The following SCHIP1 variants were observed in gnomAD, a reference collection of about 807,000 sequenced individuals.
SCHIP1 encodes schwannomin interacting protein 1.
A neutral mutation model predicts 29.7 loss-of-function variants in SCHIP1; 8 were observed. The observed-to-expected ratio is 0.27, with a 90% CI of 0.16 to 0.49. The LOEUF (loss-of-function observed/expected upper bound fraction) is 0.49, where lower values mean the gene tolerates loss of function less well. Among genes scored for constraint, SCHIP1 ranks in the 20% least tolerant of loss-of-function variants. SCHIP1 has a pLI of 0.99. For missense variants in SCHIP1, 193 were observed against 294.6 expected, an observed-to-expected ratio of 0.66 and a Z score of 2.52; for synonymous variants, 76 against 94.9, an observed-to-expected ratio of 0.80 and a Z score of 1.16.
chr3:159,836,830 C>A (rs955499281), upstream of SCHIP1, among the ~76,000 whole-genome samples: 1 of 152,170 alleles, frequency 6.6e-6, no homozygotes, highest in East Asian at 1.9e-4. Flanking sequence ...GTAAACTATT[C>A]TAGCTTAAGT....
At chr3:159,765,021 C>T in the SCHIP1 span, 6 of 1,540,404 alleles carry the variant, frequency 3.9e-6, no homozygotes, top group South Asian at 6.0e-5. Flanking sequence ...CGTGCGTCCC[C>T]GAAGAGCCCC....
the SCHIP1 span, among the ~76,000 whole-genome samples, chr3:159,725,683 C>T: frequency 6.6e-6 from 1 of 152,190 alleles, no homozygotes; most frequent in Non-Finnish European, 1.5e-5. Flanking sequence ...GTGTGGTGAG[C>T]ACAGTACTGT....
the SCHIP1 span, among the ~76,000 whole-genome samples, chr3:159,399,671 G>A: frequency 6.6e-6 from 1 of 152,086 alleles, no homozygotes; most frequent in Non-Finnish European, 1.5e-5. Context: ...TGAATCACCT[G>A]AGAATGAATA....
chr3:159,766,868 C>A, the SCHIP1 span, among the ~76,000 whole-genome samples: 1 of 152,192 alleles, frequency 6.6e-6, no homozygotes, highest in Non-Finnish European at 1.5e-5. Context: ...CTCATACCCC[C>A]ACCCCCAACG....
chr3:159,888,171 A>G, intron 4 of SCHIP1: 1 of 493,152 alleles, frequency 2.0e-6, no homozygotes, highest in Non-Finnish European at 3.6e-6. Context: ...TGCCACGGGA[A>G]TATTTAAATT....
the SCHIP1 span, among the ~76,000 whole-genome samples, chr3:159,748,018 G>A: frequency 1.3e-5 from 2 of 152,008 alleles, no homozygotes; most frequent in Non-Finnish European, 2.9e-5. Flanking sequence ...AACATCTTCA[G>A]CCATACATTT....
the SCHIP1 span, among the ~76,000 whole-genome samples, chr3:159,568,994 C>A: frequency 2.0e-5 from 3 of 152,156 alleles, no homozygotes; most frequent in African/African-American, 7.2e-5. Flanking sequence ...TCTGAAAATC[C>A]TTTCTGCCCT....
exon 2 of SCHIP1, chr3:159,866,241 A>G (rs775667494): frequency 6.2e-7 from 1 of 1,613,706 alleles, no homozygotes; most frequent in Non-Finnish European, 8.5e-7. Flanking sequence ...AGGAATTTAT[A>G]CCAGCTGTAG....
At chr3:159,299,191 T>C in the SCHIP1 span, among the ~76,000 whole-genome samples, 1 of 152,232 alleles carries the variant, frequency 6.6e-6, no homozygotes, top group Non-Finnish European at 1.5e-5. Flanking sequence ...ATTATTTGGC[T>C]GACTGAGTAT....
chr3:159,858,684 A>C (rs1458786239), intron 1 of SCHIP1, among the ~76,000 whole-genome samples: 1 of 152,164 alleles, frequency 6.6e-6, no homozygotes, highest in African/African-American at 2.4e-5. Context: ...AGTTCTTTTG[A>C]TGTCAGCCAA....
the SCHIP1 span, among the ~76,000 whole-genome samples, chr3:159,703,938 C>T: frequency 3.3e-5 from 5 of 152,184 alleles, no homozygotes; most frequent in African/African-American, 1.2e-4. Flanking sequence ...AGGCTCACAT[C>T]CTCTGAGAAG....
the SCHIP1 span, among the ~76,000 whole-genome samples, chr3:159,747,250 G>A: frequency 3.3e-5 from 5 of 152,294 alleles, no homozygotes; most frequent in African/African-American, 2.4e-5. Flanking sequence ...GATCTGAGAA[G>A]CTCCTCCAGT....
At chr3:159,695,115 G>A in the SCHIP1 span, among the ~76,000 whole-genome samples, 5 of 152,114 alleles carry the variant, frequency 3.3e-5, no homozygotes, top group Non-Finnish European at 5.9e-5. Context: ...AATATTTATA[G>A]AGTGCCTACC....
chr3:159,807,735 G>A, the SCHIP1 span, among the ~76,000 whole-genome samples: 7 of 152,144 alleles, frequency 4.6e-5, no homozygotes, highest in Non-Finnish European at 8.8e-5. Flanking sequence ...AAAAAATGAG[G>A]ACTTGTTCTT....
At chr3:159,630,257 C>A in the SCHIP1 span, among the ~76,000 whole-genome samples, 6 of 151,980 alleles carry the variant, frequency 3.9e-5, no homozygotes, top group African/African-American at 1.5e-4. Flanking sequence ...AATGGTTATG[C>A]GGAAAATTAA....
At chr3:159,329,690 A>C in the SCHIP1 span, among the ~76,000 whole-genome samples, 37,264 of 152,122 alleles carry the variant, frequency 0.24, 4,894 homozygotes, top group African/African-American at 0.33. Flanking sequence ...CTATAGTCAT[A>C]ATCTTCCTTC....
the SCHIP1 span, among the ~76,000 whole-genome samples, chr3:159,384,603 T>C: frequency 6.6e-6 from 1 of 151,936 alleles, no homozygotes; most frequent in Non-Finnish European, 1.5e-5. Context: ...GGCTGTGGTA[T>C]CAGGATGATG....
intron 1 of SCHIP1, chr3:159,845,621 A>T (rs1466067444): frequency 6.6e-6 from 1 of 152,174 alleles, no homozygotes; most frequent in Non-Finnish European, 1.5e-5. Context: ...ACCTTAGGTG[A>T]TCTGCCCACC....
At chr3:159,311,073 G>A in the SCHIP1 span, among the ~76,000 whole-genome samples, 1 of 152,022 alleles carries the variant, frequency 6.6e-6, no homozygotes, top group Non-Finnish European at 1.5e-5. Flanking sequence ...CCACTTCCAT[G>A]CTCTCCTTTC....
Sources: gnomAD v4.1 joint callset for allele counts (sites outside exome capture counted in the v4.1 genomes callset) on GRCh38, gnomAD v4.1.1 for gene constraint, MANE v1.5 for transcripts, NCBI Gene and HGNC (gene_info 2026-07-23, HGNC 2026-07-21) for gene names.